The following HDAC1 variants were observed in gnomAD, a reference collection of about 807,000 sequenced individuals.
HDAC1 encodes histone deacetylase 1, also known as protein deacetylase HDAC1.
Under a neutral mutation model 65.5 loss-of-function variants are expected in HDAC1, and 18 were observed. The ratio of observed to expected loss-of-function variants is 0.27; its 90% CI spans 0.19 to 0.41. HDAC1 has a LOEUF of 0.41. Ranked by LOEUF, HDAC1 falls within the 10% of genes least tolerant of loss-of-function variation. The probability of loss-of-function intolerance (pLI) is 1.00; values close to 1 mark genes in which losing one functional copy is unlikely to be tolerated. For synonymous variants in HDAC1, 211 were observed against 227.9 expected, an observed-to-expected ratio of 0.93 and a Z score of 0.67; for missense variants, 373 against 625.2, an observed-to-expected ratio of 0.60 and a Z score of 4.30.
At chr1:32,324,723 A>G (rs1179873073) in intron 4 of HDAC1, among the ~76,000 whole-genome samples, 170 bp downstream of exon 4, 2 of 152,170 alleles carry the variant, frequency 1.3e-5, no homozygotes, top group Admixed American at 1.3e-4. Context: ...TAATCCCAGC[A>G]CTTTGAGAGG....
intron 1 of HDAC1, among the ~76,000 whole-genome samples, chr1:32,299,173 T>C (rs1393828709): frequency 6.6e-6 from 1 of 152,092 alleles, no homozygotes; most frequent in Non-Finnish European, 1.5e-5. Context: ...AGGGTGGAAT[T>C]CTAAGGAAGT....
At chr1:32,323,061 G>A (rs1641169456) in intron 3 of HDAC1, among the ~76,000 whole-genome samples, 1 of 152,148 alleles carries the variant, frequency 6.6e-6, no homozygotes, top group South Asian at 2.1e-4. Context: ...CCAGCACTTT[G>A]GGAGGCCGAG....
intron 3 of HDAC1, among the ~76,000 whole-genome samples, chr1:32,318,455 C>T (rs989301745): frequency 1.3e-5 from 2 of 151,768 alleles, no homozygotes; most frequent in Admixed American, 6.6e-5. Flanking sequence ...CCCAGCTACT[C>T]AGGAGGTTGA....
chr1:32,316,822 T>C (rs373563886), intron 3 of HDAC1, 40 bp downstream of exon 3: 5 of 1,256,166 alleles, frequency 4.0e-6, no homozygotes, highest in Non-Finnish European at 3.5e-6. Flanking sequence ...AAGCCGCCAG[T>C]TGCATCTCCC....
chr1:32,292,288 G>C (rs1255548844), intron 1 of HDAC1, 70 bp downstream of exon 1: 2 of 1,542,322 alleles, frequency 1.3e-6, no homozygotes, highest in Non-Finnish European at 1.7e-6. Flanking sequence ...GCTGAGGCTG[G>C]AGCGCCGATG....
chr1:32,312,533 A>G (rs1046576370), intron 2 of HDAC1, among the ~76,000 whole-genome samples: 1 of 150,322 alleles, frequency 6.7e-6, no homozygotes, highest in African/African-American at 2.5e-5. Flanking sequence ...CTAATTTTTT[A>G]TATTTTTAGT....
chr1:32,331,652 G>A lies in HDAC1; in HGVS notation c.1089-24G>A. On this transcript the variant is annotated intron_variant, in intron 10 of 13. Coordinates refer to ENST00000373548, the MANE Select transcript of HDAC1 (RefSeq NM_004964.3). This position sits in a 1 kb window ranked among gnomAD's most constrained non-coding sequence, Gnocchi z 4.2. The stretch of plus-strand genomic sequence containing the variant: ...TTGGTTTGTCCCTGACCAGAGCCCT[G>A]CTACTCTCTCCCATTGGCCACAGAC... The A allele has an allele frequency of 6.2e-7, 1 of 1,613,444 alleles. No individual in the cohort carries two copies.
At chr1:32,310,973 AG>A in intron 2 of HDAC1, among the ~76,000 whole-genome samples, 1 of 152,278 alleles carries the variant, frequency 6.6e-6, no homozygotes, top group Admixed American at 6.5e-5. Context: ...AAAGAGAGAC[AG>A]AAAACTCTGC....
In HDAC1 at chr1:32,333,300, T is replaced by C; in HGVS notation, c.*256T>C. The C allele has an allele frequency of 2.9e-6, 1 of 340,934 alleles. No homozygotes were observed. Among genetic ancestry groups the C allele is most frequent in the Non-Finnish European group, 5.3e-6 (1 of 188,834 alleles). 21.1% of individuals were successfully genotyped at this position (340,934 alleles called of 1,614,324 possible). ...TGCCAGGTCTGGGTGAAAGGGATAC[T>C]TTTATGCAACCATAAGACAAACTCC... On this transcript the variant is annotated 3_prime_UTR_variant, in exon 14 of 14. Transcript: ENST00000373548.
intron 1 of HDAC1, among the ~76,000 whole-genome samples, chr1:32,296,208 TAGAG>T (rs1640765001): frequency 2.0e-5 from 3 of 152,090 alleles, no homozygotes; most frequent in African/African-American, 7.2e-5. Context: ...TGTATAATGA[TAGAG>T]AGTGAGGGGC....
intron 4 of HDAC1, 49 bp from the exon 5 acceptor site, chr1:32,326,890 G>T (rs1641227095): frequency 6.2e-7 from 1 of 1,604,384 alleles, no homozygotes; most frequent in African/African-American, 1.3e-5. Flanking sequence ...CTTGGAGGAA[G>T]GGGAGAGTGG....
intron 1 of HDAC1, among the ~76,000 whole-genome samples, chr1:32,299,350 A>T (rs2124397854): frequency 6.6e-6 from 1 of 152,186 alleles, no homozygotes; most frequent in East Asian, 1.9e-4. Context: ...TAGAAGGCTG[A>T]TCAGGAGTTT....
chr1:32,324,420 C>T, intron 3 of HDAC1, 59 bp from the exon 4 acceptor site: 1 of 1,158,174 alleles, frequency 8.6e-7, no homozygotes. Flanking sequence ...TCCATCAGCT[C>T]ATAAATATGT....
At chr1:32,316,152 T>C (rs991767463) in intron 2 of HDAC1, among the ~76,000 whole-genome samples, 11 of 151,818 alleles carry the variant, frequency 7.2e-5, no homozygotes, top group East Asian at 1.9e-4. Flanking sequence ...GGCGTGGTGG[T>C]GGGCGTCTGT....
intron 3 of HDAC1, among the ~76,000 whole-genome samples, chr1:32,320,781 TC>T (rs1641128809): frequency 6.7e-6 from 1 of 150,228 alleles, no homozygotes; most frequent in South Asian, 2.1e-4. Flanking sequence ...ATGCCTGTAA[TC>T]CCAGCTACTC....
rs2148070648 is a variant in HDAC1 at position 32,327,518 on chromosome 1, A to T, written c.495-18A>T. 1 of 1,588,176 alleles carries T rather than the reference A, an allele frequency of 6.3e-7. No homozygotes were observed. Among genetic ancestry groups the T allele is most frequent in the Non-Finnish European group, 8.6e-7 (1 of 1,158,504 alleles). On this transcript the variant is annotated intron_variant, in intron 5 of 13. Coordinates refer to ENST00000373548, the MANE Select transcript of HDAC1 (RefSeq NM_004964.3). The surrounding 1 kb of genome is among the most constrained non-coding windows in gnomAD (Gnocchi z 6.0). ...TCCCCAAAGAGCCCCCAGACCCCTG[A>T]CCCCCTTCTGATCCTAGGTATCACC... is the stretch of plus-strand genomic sequence containing the variant.
rs1406642206 is a variant in HDAC1 at position 32,333,147 on chromosome 1, T to C, written c.*103T>C. 6 of 968,582 alleles carry C rather than the reference T, an allele frequency of 6.2e-6. No homozygotes were observed. The highest frequency in any genetic ancestry group is 9.1e-6 in the Non-Finnish European group (6 of 656,516). The allele number at this position is 968,582 out of a possible 1,614,324, so 60.0% of individuals were successfully genotyped here. The stretch of plus-strand genomic sequence containing the variant: ...TTCTCTGTGTATTTATATAAAAATT[T>C]ATTAAATATAAATATCCCCAGGGAC... On this transcript the variant is annotated 3_prime_UTR_variant, in exon 14 of 14. Coordinates refer to ENST00000373548, the MANE Select transcript of HDAC1 (RefSeq NM_004964.3).
In HDAC1 at chr1:32,331,753, T is replaced by C. The variant is rs1399929948; in HGVS notation, c.1166T>C (p.Ile389Thr). ...ATGCAGGCGATTCCTGAGGACGCCA[T>C]CCCTGAGGAGAGTGGCGATGAGGAC... ...VQMQAIPEDAIPEESGDEDED... is the reference protein window; with the variant it reads ...VQMQAIPEDATPEESGDEDED... The change falls in exon 11 of 14, where the codon ATC becomes ACC. Residue 389 changes from isoleucine (I) to threonine (T), a missense_variant. Ile to Thr is a moderately conservative substitution (Grantham distance 89). This residue lies in a region of HDAC1 where 126 missense variants were observed against 126.2 expected (regional missense o/e 1.00). Transcript: ENST00000373548. This position sits in a 1 kb window ranked among gnomAD's most constrained non-coding sequence, Gnocchi z 4.2. The C allele has an allele frequency of 3.7e-6, 6 of 1,613,938 alleles. No individual in the cohort carries two copies. Among genetic ancestry groups the C allele is most frequent in the Non-Finnish European group, 5.1e-6 (6 of 1,179,930 alleles).
chr1:32,296,317 T>C lies in HDAC1; in HGVS notation c.49+4099T>C, dbSNP rs552483606. On this transcript the variant is annotated intron_variant, in intron 1 of 13. Transcript: ENST00000373548. ...GGCGGCAACTGGGGCAGAAGCTAGA[T>C]TGTGGTAGATTGCAGTACATGGATG... is the stretch of plus-strand genomic sequence containing the variant. Among the ~76,000 whole-genome samples the C allele has an allele frequency of 4.6e-5, 7 of 152,212 alleles. No individual in the cohort carries two copies. In the South Asian group the frequency reaches 6.2e-4, roughly 14 times the overall value.
Sources: allele counts gnomAD v4.1 joint callset (sites outside exome capture counted in the v4.1 genomes callset), GRCh38; gene constraint gnomAD v4.1.1; regional missense constraint gnomAD v4.1.1; non-coding constraint Gnocchi (gnomAD v3.1); transcripts MANE v1.5; gene names NCBI Gene and HGNC (gene_info 2026-07-23, HGNC 2026-07-21).